The following ADARB2 variants were observed in gnomAD, a reference collection of about 807,000 sequenced individuals.
The protein encoded by ADARB2 is adenosine deaminase RNA specific B2 (inactive).
A neutral mutation model predicts 62.2 loss-of-function variants in ADARB2; 25 were observed. The ratio of observed to expected loss-of-function variants is 0.40; its 90% confidence interval spans 0.29 to 0.56. The LOEUF is 0.56. ADARB2 is among the 20% of genes least tolerant of loss of function. The probability of loss-of-function intolerance (pLI) is 0.43; values close to 1 mark genes in which losing one functional copy is unlikely to be tolerated. For synonymous variants in ADARB2, 572 were observed against 500.8 expected, an observed-to-expected ratio of 1.14 and a Z score of -1.90; for missense variants, 1,071 against 1,077.4, an observed-to-expected ratio of 0.99 and a Z score of 0.08.
chr10:1,218,239 T>G (rs1048496904), intron 6 of ADARB2, among the ~76,000 whole-genome samples: 1 of 151,980 alleles, frequency 6.6e-6, no homozygotes, highest in Admixed American at 6.6e-5. Context: ...TCAGTAGAGA[T>G]GGGGTTTCGC....
At chr10:1,643,676 T>C (rs1254229400) in intron 1 of ADARB2, among the ~76,000 whole-genome samples, 1 of 152,210 alleles carries the variant, frequency 6.6e-6, no homozygotes, top group Non-Finnish European at 1.5e-5. Flanking sequence ...TCCCTATCCC[T>C]TAGGGTGCCT....
At chr10:1,644,115 C>T (rs1432798300) in intron 1 of ADARB2, among the ~76,000 whole-genome samples, 4 of 152,212 alleles carry the variant, frequency 2.6e-5, no homozygotes, top group Admixed American at 2.6e-4. Flanking sequence ...GCCATTTACA[C>T]GAGCTGAGGA....
chr10:1,537,116 G>GA (rs924624189), intron 1 of ADARB2, among the ~76,000 whole-genome samples: 30 of 152,070 alleles, frequency 2.0e-4, no homozygotes, highest in South Asian at 4.2e-4. Flanking sequence ...AAATTTACAA[G>GA]AAAAAAACAA....
At chr10:1,505,898 A>G (rs1831841137) in intron 1 of ADARB2, among the ~76,000 whole-genome samples, 1 of 152,262 alleles carries the variant, frequency 6.6e-6, no homozygotes, top group South Asian at 2.1e-4. Flanking sequence ...CTCACAAAAA[A>G]GTAATAAATA....
chr10:1,737,009 G>A (rs1429766486), intron 1 of ADARB2, 42 bp downstream of exon 1: 4 of 1,598,962 alleles, frequency 2.5e-6, no homozygotes, highest in Non-Finnish European at 3.4e-6. Context: ...GAGAAGCCGG[G>A]GGTGAAGGGG....
At position 1,363,419 on chromosome 10, in the gene ADARB2, G is replaced by A. The variant is rs1832280794; in HGVS notation, c.686C>T (p.Pro229Leu). ...CGCGAGTCCGGGGCGCGGCGCCGGG[G>A]GCTCGAACTCCTGGAAGAGCGTGTC... ...FPDTLFQEFEPPAPRPGLAGG... is the reference protein window; with the variant it reads ...FPDTLFQEFELPAPRPGLAGG... The change falls in exon 3 of 10, where the codon CCC (proline) becomes CTC (leucine). Residue 229 changes from proline (P) to leucine (L), a missense_variant. Pro to Leu is a moderately conservative substitution (Grantham distance 98). Coordinates refer to ENST00000381312, the MANE Select transcript of ADARB2 (RefSeq NM_018702.4). 3 of 1,373,282 alleles carry A rather than the reference G, an allele frequency of 2.2e-6. No individual in the cohort carries two copies. The highest frequency in any genetic ancestry group is 1.8e-5 in the South Asian group (1 of 56,674). 85.1% of individuals were successfully genotyped at this position (1,373,282 alleles called of 1,614,324 possible).
intron 5 of ADARB2, among the ~76,000 whole-genome samples, chr10:1,235,497 T>C (rs79680907): frequency 0.041 from 297 of 7,296 alleles, 19 homozygotes; most frequent in Middle Eastern, 0.077. Flanking sequence ...TTTACTCCCC[T>C]CTCCCTCCCG....
intron 1 of ADARB2, among the ~76,000 whole-genome samples, chr10:1,581,014 A>G (rs1833090620): frequency 6.6e-6 from 1 of 152,220 alleles, no homozygotes; most frequent in Admixed American, 6.5e-5. Flanking sequence ...TTCTGAATAA[A>G]GCCGCTATAA....
At position 1,723,459 on chromosome 10, in the gene ADARB2, G is replaced by A. The variant is rs149454297; in HGVS notation, c.100+13592C>T. Reference sequence around the variant, plus strand: ...TTGCTCTCACCATCTCGCTTTCTTCGGTAGCCACTTGCATTCTTTGGGCCT... The same window carrying A: ...TTGCTCTCACCATCTCGCTTTCTTCAGTAGCCACTTGCATTCTTTGGGCCT... On this transcript the variant is annotated intron_variant, in intron 1 of 9. Transcript: ENST00000381312. 2.2e-3 allele frequency among the ~76,000 whole-genome samples: 333 copies of A among 152,258 alleles called. 1 individual carries two copies. Among genetic ancestry groups the A allele is most frequent in the African/African-American group, 7.6e-3 (317 of 41,540 alleles).
chr10:1,206,370 G>T (rs1170861798), intron 7 of ADARB2, among the ~76,000 whole-genome samples: 1 of 151,802 alleles, frequency 6.6e-6, no homozygotes, highest in Non-Finnish European at 1.5e-5. Flanking sequence ...AGAGAACTGG[G>T]GCGTCTCCTT....
At chr10:1,580,535 G>A (rs1833083648) in intron 1 of ADARB2, among the ~76,000 whole-genome samples, 1 of 137,092 alleles carries the variant, frequency 7.3e-6, no homozygotes, top group African/African-American at 2.6e-5. Context: ...ATTTTATTTA[G>A]AGCAGTTTGT....
At chr10:1,555,441 T>A (rs1411226379) in intron 1 of ADARB2, among the ~76,000 whole-genome samples, 1 of 152,210 alleles carries the variant, frequency 6.6e-6, no homozygotes, top group Admixed American at 6.5e-5. Flanking sequence ...AGCTCAATCA[T>A]CCTTCGTAAG....
chr10:1,284,442 C>T (rs973896486), intron 3 of ADARB2, among the ~76,000 whole-genome samples: 1 of 152,208 alleles, frequency 6.6e-6, no homozygotes, highest in Non-Finnish European at 1.5e-5. Context: ...TAAACTGTTG[C>T]ACTGGACCTG....
chr10:1,245,336 TTTTTC>T (rs1406579289), intron 4 of ADARB2, among the ~76,000 whole-genome samples: 1 of 152,050 alleles, frequency 6.6e-6, no homozygotes, highest in Non-Finnish European at 1.5e-5. Context: ...TTGTTTTTTC[TTTTTC>T]TTTTTTATTA....
At chr10:1,727,250 C>T (rs981898368) in intron 1 of ADARB2, among the ~76,000 whole-genome samples, 4 of 152,072 alleles carry the variant, frequency 2.6e-5, no homozygotes, top group Non-Finnish European at 4.4e-5. Context: ...TGAGAAATCC[C>T]AACAAAGGAG....
chr10:1,458,253 A>T (rs1158010645), intron 1 of ADARB2, among the ~76,000 whole-genome samples: 3 of 152,142 alleles, frequency 2.0e-5, no homozygotes, highest in African/African-American at 7.2e-5. Flanking sequence ...TCTTGCGAAT[A>T]CTTCCCATCT....
intron 1 of ADARB2, among the ~76,000 whole-genome samples, chr10:1,530,051 G>A (rs1832208434): frequency 6.7e-6 from 1 of 150,120 alleles, no homozygotes; most frequent in Non-Finnish European, 1.5e-5. Context: ...GCCACCATGG[G>A]CGCCTATCCA....
intron 4 of ADARB2, among the ~76,000 whole-genome samples, chr10:1,260,685 C>T (rs1263744506): frequency 6.6e-6 from 1 of 150,532 alleles, no homozygotes; most frequent in African/African-American, 2.5e-5. Context: ...ATTCCATGCT[C>T]ATGGGTAGGA....
At chr10:1,655,223 C>T (rs1264249395) in intron 1 of ADARB2, among the ~76,000 whole-genome samples, 1 of 152,214 alleles carries the variant, frequency 6.6e-6, no homozygotes, top group African/African-American at 2.4e-5. Context: ...AGTTCATTGT[C>T]CTGGACAATA....
Sources: gnomAD v4.1 joint callset for allele counts (sites outside exome capture counted in the v4.1 genomes callset) on GRCh38, gnomAD v4.1.1 for gene constraint, MANE v1.5 for transcripts, NCBI Gene and HGNC (gene_info 2026-07-23, HGNC 2026-07-21) for gene names.